RBFOX1: variants seen among roughly 807,000 people sequenced by gnomAD.
The protein encoded by RBFOX1 is RNA binding fox-1 homolog 1.
RBFOX1 carries 8 observed loss-of-function variants against 57.7 expected under a neutral mutation model. The ratio of observed to expected loss-of-function variants is 0.14; its 90% CI spans 0.08 to 0.25. The LOEUF (loss-of-function observed/expected upper bound fraction) is 0.25, where lower values mean the gene tolerates loss of function less well. Among genes scored for constraint, RBFOX1 ranks in the 10% least tolerant of loss-of-function variants. The pLI is 1.00. For synonymous variants in RBFOX1, 326 were observed against 222.4 expected, an observed-to-expected ratio of 1.47 and a Z score of -4.15; for missense variants, 611 against 548.5, an observed-to-expected ratio of 1.11 and a Z score of -1.14.
chr16:6,316,962 G>C, intron 1 of RBFOX1, 33 bp from the exon 2 acceptor site: 1 of 1,520,432 alleles, frequency 6.6e-7, no homozygotes, highest in Non-Finnish European at 8.8e-7. Context: ...TACATTTCTT[G>C]ATACTAAAGT....
intron 4 of RBFOX1, among the ~76,000 whole-genome samples, chr16:7,128,323 G>C (rs971540947): frequency 2.6e-5 from 4 of 152,102 alleles, no homozygotes; most frequent in African/African-American, 4.8e-5. Flanking sequence ...TTTTAATATG[G>C]TAAAACTTAG....
chr16:5,398,453 ATG>A (rs897473948), intron 1 of RBFOX1, among the ~76,000 whole-genome samples: 1 of 150,982 alleles, frequency 6.6e-6, no homozygotes, highest in Admixed American at 6.6e-5. Flanking sequence ...GCTTGTGTGT[ATG>A]TGTATGCATG....
chr16:7,395,511 A>C (rs549769538), intron 4 of RBFOX1, among the ~76,000 whole-genome samples: 1 of 152,292 alleles, frequency 6.6e-6, no homozygotes, highest in South Asian at 2.1e-4. Flanking sequence ...TGTTGGACGG[A>C]ATACTAAATC....
intron 4 of RBFOX1, among the ~76,000 whole-genome samples, chr16:7,094,776 GGGT>G (rs1599324094): frequency 6.9e-4 from 93 of 133,826 alleles, no homozygotes; most frequent in Middle Eastern, 3.9e-3. Context: ...GTGTGTGTGT[GGGT>G]GTGTGTGTGT....
chr16:6,420,279 C>G (rs1004211653), intron 2 of RBFOX1, among the ~76,000 whole-genome samples: 1 of 152,096 alleles, frequency 6.6e-6, no homozygotes, highest in Non-Finnish European at 1.5e-5. Flanking sequence ...TGCACAGTAG[C>G]AAAGACTGGA....
intron 4 of RBFOX1, among the ~76,000 whole-genome samples, chr16:7,194,408 A>C (rs1464658389): frequency 6.6e-6 from 1 of 152,250 alleles, no homozygotes; most frequent in African/African-American, 2.4e-5. Context: ...GATACTAAGC[A>C]GCTGACAATT....
At chr16:6,645,171 A>C (rs1263447683) in intron 2 of RBFOX1, among the ~76,000 whole-genome samples, 1 of 152,164 alleles carries the variant, frequency 6.6e-6, no homozygotes, top group Non-Finnish European at 1.5e-5. Context: ...TCTGTCTCTT[A>C]AAAGGATACT....
intron 3 of RBFOX1, among the ~76,000 whole-genome samples, chr16:6,930,681 AT>A (rs1417652208): frequency 3.9e-5 from 6 of 152,152 alleles, no homozygotes; most frequent in African/African-American, 1.2e-4. Context: ...AGTTGCTGGG[AT>A]TACAGGTGTT....
intron 3 of RBFOX1, among the ~76,000 whole-genome samples, chr16:6,840,882 T>G: frequency 1.6e-5 from 1 of 62,034 alleles, no homozygotes; most frequent in Non-Finnish European, 2.7e-5. Flanking sequence ...AGTGAGACTC[T>G]GTCTCAAAAA....
intron 3 of RBFOX1, among the ~76,000 whole-genome samples, chr16:6,890,664 C>G (rs965676841): frequency 6.6e-6 from 1 of 152,198 alleles, no homozygotes; most frequent in Non-Finnish European, 1.5e-5. Context: ...AGGGATTTAT[C>G]TCCATCTTGT....
intron 3 of RBFOX1, among the ~76,000 whole-genome samples, chr16:7,021,963 T>C (rs2039313272): frequency 9.6e-6 from 1 of 104,488 alleles, no homozygotes; most frequent in Non-Finnish European, 2.0e-5. Context: ...TTTCTCTCTC[T>C]CTCTCCCTCC....
At chr16:6,580,972 G>A (rs964332232) in intron 2 of RBFOX1, among the ~76,000 whole-genome samples, 1 of 150,608 alleles carries the variant, frequency 6.6e-6, no homozygotes, top group Non-Finnish European at 1.5e-5. Context: ...AGCTTCTGAA[G>A]CATTGATCAA....
intron 1 of RBFOX1, among the ~76,000 whole-genome samples, chr16:5,410,903 T>C (rs1210093585): frequency 1.3e-5 from 2 of 152,264 alleles, no homozygotes; most frequent in Admixed American, 6.5e-5. Context: ...AAACCACTTG[T>C]ACTCTTTACA....
intron 3 of RBFOX1, among the ~76,000 whole-genome samples, chr16:6,739,721 A>G (rs2071473070): frequency 6.6e-6 from 1 of 152,040 alleles, no homozygotes; most frequent in African/African-American, 2.4e-5. Context: ...TACTAAAAAT[A>G]CAAAAATTAG....
chr16:5,309,514 T>C (rs8043784), intron 1 of RBFOX1, among the ~76,000 whole-genome samples: 86,976 of 152,028 alleles, frequency 0.57, 27,356 homozygotes, highest in East Asian at 0.74. Flanking sequence ...TAAAATTGTT[T>C]TTTAATTTTT....
intron 3 of RBFOX1, among the ~76,000 whole-genome samples, chr16:5,743,474 A>C (rs2052857342): frequency 6.6e-6 from 1 of 152,222 alleles, no homozygotes; most frequent in Non-Finnish European, 1.5e-5. Flanking sequence ...TGTGCCGTTC[A>C]ATATGGGAGC....
At chr16:6,182,383 A>ATTC (rs1367873122) in intron 1 of RBFOX1, among the ~76,000 whole-genome samples, 15 of 152,210 alleles carry the variant, frequency 9.9e-5, no homozygotes, top group Admixed American at 2.0e-4. Context: ...AATAAGAATC[A>ATTC]TTCCTAATTC....
intron 1 of RBFOX1, among the ~76,000 whole-genome samples, chr16:6,160,801 A>T (rs1831063977): frequency 6.6e-6 from 1 of 152,042 alleles, no homozygotes; most frequent in South Asian, 2.1e-4. Flanking sequence ...GCACTTGCTG[A>T]TCTCTCTTGA....
intron 4 of RBFOX1, among the ~76,000 whole-genome samples, chr16:7,468,166 A>ATTGGTTG (rs1259950655): frequency 7.9e-5 from 12 of 152,178 alleles, no homozygotes; most frequent in Non-Finnish European, 8.8e-5. Context: ...TCCACAGTAA[A>ATTGGTTG]GTTGCTTGGT....
Sources: allele counts gnomAD v4.1 joint callset (sites outside exome capture counted in the v4.1 genomes callset), GRCh38; gene constraint gnomAD v4.1.1; transcripts MANE v1.5; gene names NCBI Gene and HGNC (gene_info 2026-07-23, HGNC 2026-07-21).